The following SLC2A9 variants were observed in gnomAD, a reference collection of about 807,000 sequenced individuals.
The protein encoded by SLC2A9 is solute carrier family 2 member 9, also known as solute carrier family 2, facilitated glucose transporter member 9.
Under a neutral mutation model 50.6 loss-of-function variants are expected in SLC2A9, and 39 were observed. The ratio of observed to expected loss-of-function variants is 0.77; its 90% CI spans 0.60 to 1.01. SLC2A9 has a LOEUF of 1.01. Ranked by LOEUF, SLC2A9 falls within the 50% of genes least tolerant of loss-of-function variation. SLC2A9 has a pLI of 0.00. For missense variants in SLC2A9, 686 were observed against 677.6 expected (o/e 1.01, Z -0.14); for synonymous variants, 324 against 276.9 (o/e 1.17, Z -1.69).
At chr4:9,827,158 G>A (rs114556611) in intron 11 of SLC2A9, among the ~76,000 whole-genome samples, 10 of 152,334 alleles carry the variant, frequency 6.6e-5, no homozygotes, top group East Asian at 5.8e-4. Context: ...CAATCACTCC[G>A]TTTTATGTAT....
chr4:9,808,500 G>A lies in SLC2A9; in HGVS notation n.421-9259C>T, dbSNP rs6842853. The stretch of plus-strand genomic sequence containing the variant: ...AATTCCTCAGTCCCTGGAATTATCA[G>A]TAATAATAATTATTGTATTTATAGT... On this transcript the variant is annotated intron_variant and non_coding_transcript_variant, in intron 3 of 3. Coordinates refer to the SLC2A9 transcript ENST00000503280. 8.2e-3 allele frequency among the ~76,000 whole-genome samples: 1,249 copies of A among 152,224 alleles called. 14 individuals carry two copies. The highest frequency in any genetic ancestry group is 0.02 in the Middle Eastern group (6 of 294).
At chr4:9,800,141 C>T (rs1721195380) in intron 3 of SLC2A9, among the ~76,000 whole-genome samples, 2 of 152,170 alleles carry the variant, frequency 1.3e-5, no homozygotes, top group South Asian at 4.1e-4. Flanking sequence ...GGGCCTGCCT[C>T]AGTATCCCTG....
In SLC2A9 at chr4:9,804,455, G is replaced by A. The variant is rs115124464; in HGVS notation, n.421-5214C>T. Among the ~76,000 whole-genome samples the A allele has an allele frequency of 6.1e-3, 921 of 151,484 alleles. 10 individuals are homozygous for A. The highest frequency in any genetic ancestry group is 0.022 in the African/African-American group (883 of 40,852). On this transcript the variant is annotated intron_variant and non_coding_transcript_variant, in intron 3 of 3. Coordinates refer to the SLC2A9 transcript ENST00000503280. ...CTGTTCAGCTGAGCAGAGCAGCTGTGAGCTGTGGAAAGCACCTTCTGTTCT... is the reference window on the plus strand; with the variant it reads ...CTGTTCAGCTGAGCAGAGCAGCTGTAAGCTGTGGAAAGCACCTTCTGTTCT...
chr4:9,778,828 T>A (rs1717920768), downstream of SLC2A9, among the ~76,000 whole-genome samples: 1 of 152,068 alleles, frequency 6.6e-6, no homozygotes, highest in Admixed American at 6.6e-5. Flanking sequence ...TTCTTTCTTT[T>A]CTTCTTTTTG....
rs559095473 is a variant in SLC2A9 at position 9,944,573 on chromosome 4, G to C, written c.682-2528C>G. Among the ~76,000 whole-genome samples the C allele has an allele frequency of 1.4e-4, 21 of 152,296 alleles. No homozygotes were observed. In the South Asian group the frequency reaches 3.9e-3, roughly 29 times the overall value. On this transcript the variant is annotated intron_variant, in intron 5 of 11. Transcript: ENST00000264784. ...TAAACCTCAGGGTGGGCAGCCCCCG[G>C]ATTGGGATGCCAACATTTCTGAACT...
intron 10 of SLC2A9, among the ~76,000 whole-genome samples, chr4:9,862,491 G>A (rs1055003432): frequency 1.3e-5 from 2 of 151,830 alleles, no homozygotes; most frequent in Non-Finnish European, 2.9e-5. Context: ...TTTTTCTTGT[G>A]TTAGTCTGTC....
At chr4:9,816,695 T>A (rs1177049475) in intron 3 of SLC2A9, among the ~76,000 whole-genome samples, 4 of 152,210 alleles carry the variant, frequency 2.6e-5, no homozygotes, top group African/African-American at 9.7e-5. Flanking sequence ...ACATCTTAAA[T>A]GTCTAGCCCT....
chr4:9,966,062 T>G (rs1472392369), intron 5 of SLC2A9, among the ~76,000 whole-genome samples: 1 of 152,184 alleles, frequency 6.6e-6, no homozygotes, highest in Non-Finnish European at 1.5e-5. Context: ...AATATACTTA[T>G]AAGAAATTCT....
chr4:9,969,700 T>C (rs575704023), intron 5 of SLC2A9, among the ~76,000 whole-genome samples: 11 of 152,316 alleles, frequency 7.2e-5, no homozygotes, highest in Non-Finnish European at 1.3e-4. Context: ...AGGCATGTCT[T>C]ACATGGCGGC....
intron 3 of SLC2A9, among the ~76,000 whole-genome samples, chr4:9,820,404 C>A (rs1724239367): frequency 6.6e-6 from 1 of 152,114 alleles, no homozygotes; most frequent in Non-Finnish European, 1.5e-5. Flanking sequence ...AGTCTTTTAA[C>A]TTTATTCTTT....
intron 1 of SLC2A9, chr4:10,035,832 CTCT>C (rs761978799): frequency 2.0e-5 from 3 of 152,354 alleles, no homozygotes; most frequent in East Asian, 1.9e-4. Flanking sequence ...AGCTGGGATA[CTCT>C]TCTTCTCCTG....
At chr4:9,936,095 T>C (rs1747023998) in intron 6 of SLC2A9, among the ~76,000 whole-genome samples, 1 of 152,140 alleles carries the variant, frequency 6.6e-6, no homozygotes, top group South Asian at 2.1e-4. Flanking sequence ...AAAATACCAT[T>C]GCTATGGGTG....
chr4:10,031,152 G>C (rs1169892709), intron 1 of SLC2A9, among the ~76,000 whole-genome samples: 1 of 152,346 alleles, frequency 6.6e-6, no homozygotes, highest in South Asian at 2.1e-4. Flanking sequence ...AGATGAGCAC[G>C]TCACTCTGCA....
At chr4:9,998,095 A>T (rs1220855151) in intron 2 of SLC2A9, among the ~76,000 whole-genome samples, 1 of 152,214 alleles carries the variant, frequency 6.6e-6, no homozygotes, top group African/African-American at 2.4e-5. Flanking sequence ...CTTCACATTC[A>T]CTAGAGTCTC....
intron 5 of SLC2A9, among the ~76,000 whole-genome samples, chr4:9,964,980 G>C (rs1002529069): frequency 2.6e-5 from 4 of 152,168 alleles, no homozygotes; most frequent in African/African-American, 9.7e-5. Context: ...CTGTAAAATA[G>C]AAATTTCATA....
intron 10 of SLC2A9, among the ~76,000 whole-genome samples, chr4:9,873,348 G>A (rs1733762618): frequency 6.6e-6 from 1 of 152,172 alleles, no homozygotes; most frequent in African/African-American, 2.4e-5. Flanking sequence ...CTCATCTCTT[G>A]CCTATTCTAC....
chr4:9,787,636 C>A (rs1367684958), intron 3 of SLC2A9, among the ~76,000 whole-genome samples: 1 of 152,216 alleles, frequency 6.6e-6, no homozygotes, highest in East Asian at 1.9e-4. Context: ...CAATCCAAGA[C>A]CATGTGTTGC....
At chr4:9,889,485 T>C (rs1041174052) in intron 9 of SLC2A9, among the ~76,000 whole-genome samples, 5 of 152,220 alleles carry the variant, frequency 3.3e-5, no homozygotes, top group Non-Finnish European at 5.9e-5. Context: ...ACTGTAAAGA[T>C]GCTGGAGCTT....
At chr4:9,994,205 A>C (rs7696983) in intron 3 of SLC2A9, among the ~76,000 whole-genome samples, 119,889 of 152,238 alleles carry the variant, frequency 0.79, 47,343 homozygotes, top group East Asian at 0.98. Flanking sequence ...GGTCCAATTG[A>C]CCACTGGGTC....
Sources: allele counts gnomAD v4.1 joint callset (sites outside exome capture counted in the v4.1 genomes callset), GRCh38; gene constraint gnomAD v4.1.1; transcripts MANE v1.5; gene names NCBI Gene and HGNC (gene_info 2026-07-23, HGNC 2026-07-21).